RAPGEF1: variants seen among roughly 807,000 people sequenced by gnomAD.
RAPGEF1 encodes the protein CRK SH3-binding GNRP.
A neutral mutation model predicts 143.3 loss-of-function variants in RAPGEF1; 33 were observed. The ratio of observed to expected loss-of-function variants is 0.23; its 90% CI spans 0.17 to 0.31. RAPGEF1 has a LOEUF of 0.31. Ranked by LOEUF, RAPGEF1 falls within the 10% of genes least tolerant of loss-of-function variation. The pLI is 1.00. For synonymous variants in RAPGEF1, 629 were observed against 676.5 expected, an observed-to-expected ratio of 0.93 and a Z score of 1.09; for missense variants, 1,199 against 1,645.4, an observed-to-expected ratio of 0.73 and a Z score of 4.69.
At chr9:131,734,222 G>A (rs1159174175) in intron 1 of RAPGEF1, among the ~76,000 whole-genome samples, 2 of 152,160 alleles carry the variant, frequency 1.3e-5, no homozygotes, top group Non-Finnish European at 2.9e-5. Flanking sequence ...AAGGGGGCCG[G>A]TTCCCCATTC....
At chr9:131,670,678 G>C (rs931210824) in intron 1 of RAPGEF1, among the ~76,000 whole-genome samples, 2 of 152,140 alleles carry the variant, frequency 1.3e-5, no homozygotes, top group African/African-American at 4.8e-5. Flanking sequence ...ACAGTCTCCC[G>C]GCCTCAAGGA....
rs79402314 is a variant in RAPGEF1, at chr9:131,722,230, G to A, written c.61+17540C>T. 5.9e-5 allele frequency among the ~76,000 whole-genome samples: 9 copies of A among 152,258 alleles called. No homozygotes were observed. In the East Asian group the frequency reaches 9.6e-4, roughly 16 times the overall value. On this transcript the variant is annotated intron_variant, in intron 1 of 26. Transcript: ENST00000683357. The stretch of plus-strand genomic sequence containing the variant: ...CAGGTGGCGCTCCCACTCACACAGC[G>A]GTACCATGCCACCTAACAGGGCCTG...
intron 1 of RAPGEF1, among the ~76,000 whole-genome samples, chr9:131,712,324 G>A (rs538631969): frequency 2.5e-4 from 38 of 152,296 alleles, no homozygotes; most frequent in Non-Finnish European, 4.9e-4. Flanking sequence ...TAAATGAGTG[G>A]ATAGGTGACA....
At chr9:131,726,085 T>C (rs990091451) in intron 1 of RAPGEF1, among the ~76,000 whole-genome samples, 1 of 152,094 alleles carries the variant, frequency 6.6e-6, no homozygotes, top group African/African-American at 2.4e-5. Flanking sequence ...TTGTTGGTCC[T>C]GTGCCATCTT....
intron 4 of RAPGEF1, among the ~76,000 whole-genome samples, chr9:131,639,564 G>C (rs567825128): frequency 6.6e-6 from 1 of 151,978 alleles, no homozygotes; most frequent in Non-Finnish European, 1.5e-5. Context: ...GCCGAATGGA[G>C]AATTTTTACA....
At chr9:131,596,500 C>G in intron 16 of RAPGEF1, 127 bp from the exon 17 acceptor site, 1 of 927,606 alleles carries the variant, frequency 1.1e-6, no homozygotes, top group Non-Finnish European at 1.7e-6. Context: ...TCCTTCTGTG[C>G]TCCTCGGCCC....
At chr9:131,581,041 C>T (rs773032731) in intron 25 of RAPGEF1, among the ~76,000 whole-genome samples, 2 of 151,956 alleles carry the variant, frequency 1.3e-5, no homozygotes, top group Non-Finnish European at 2.9e-5. Flanking sequence ...ACTCGGGAGG[C>T]TGAGGCAGGA....
chr9:131,608,965 G>A (rs567810271), intron 12 of RAPGEF1, among the ~76,000 whole-genome samples: 102 of 152,314 alleles, frequency 6.7e-4, no homozygotes, highest in Non-Finnish European at 1.1e-3. Context: ...GCTCGTGCCC[G>A]GGTTTGCTTC....
chr9:131,700,668 A>C lies in RAPGEF1; in HGVS notation c.61+39102T>G, dbSNP rs547338073. Among the ~76,000 whole-genome samples the C allele has an allele frequency of 7.2e-5, 11 of 152,288 alleles. No individual in the cohort carries two copies. The East Asian group carries it at 2.1e-3, about 29-fold the overall frequency. The stretch of plus-strand genomic sequence containing the variant: ...TTAATAGTAAAGGAAAAATGCTGAA[A>C]GCCTCTATAGTCAATCATGAGGTTC... On this transcript the variant is annotated intron_variant, in intron 1 of 26. Transcript: ENST00000683357.
intron 1 of RAPGEF1, among the ~76,000 whole-genome samples, chr9:131,656,793 C>A (rs1972590761): frequency 6.6e-6 from 1 of 152,220 alleles, no homozygotes. Context: ...TGCCTATGAG[C>A]TGTTGATGGA....
intron 14 of RAPGEF1, among the ~76,000 whole-genome samples, chr9:131,603,268 G>A (rs927600134): frequency 2.0e-5 from 3 of 152,218 alleles, no homozygotes; most frequent in Non-Finnish European, 2.9e-5. Context: ...TCCCTTCAAG[G>A]AACCTGTCCC....
intron 1 of RAPGEF1, among the ~76,000 whole-genome samples, chr9:131,721,890 T>C (rs1836293245): frequency 1.3e-5 from 2 of 152,228 alleles, no homozygotes; most frequent in African/African-American, 2.4e-5. Flanking sequence ...GCAAGTACTA[T>C]GCCATTTTGC....
At position 131,737,667 on chromosome 9, in the gene RAPGEF1, T is replaced by C. The variant is rs543155187; in HGVS notation, c.61+2103A>G. On this transcript the variant is annotated intron_variant, in intron 1 of 26. Transcript: ENST00000683357. ...CATGGGATGACAGGCAACTTTTTCC[T>C]TTTTTTAAAAAAAGAGGCCCAGCGC... is the stretch of plus-strand genomic sequence containing the variant. 4 of 1,227,992 alleles carry C rather than the reference T, an allele frequency of 3.3e-6. No individual in the cohort carries two copies. In the South Asian group the frequency reaches 4.9e-5, roughly 15 times the overall value. 76.1% of individuals were successfully genotyped at this position (1,227,992 alleles called of 1,614,324 possible).
At chr9:131,715,942 C>T (rs1347872261) in intron 1 of RAPGEF1, among the ~76,000 whole-genome samples, 9 of 151,798 alleles carry the variant, frequency 5.9e-5, no homozygotes, top group African/African-American at 2.2e-4. Context: ...AAACTGAGGT[C>T]CAGAGAAAAA....
rs972573279 is a variant in RAPGEF1 at position 131,650,623 on chromosome 9, C to T, written c.201+187G>A. ...GTCTTAGCCAACTGAGCTTGGCTAA[C>T]GTGGCAAACACTCACCATCCTAATG... is the stretch of plus-strand genomic sequence containing the variant. On this transcript the variant is annotated intron_variant, in intron 2 of 26. Transcript: ENST00000683357. The surrounding 1 kb of genome is among the most constrained non-coding windows in gnomAD (Gnocchi z 4.7). 2.0e-5 allele frequency among the ~76,000 whole-genome samples: 3 copies of T among 152,178 alleles called. No homozygotes were observed. Among genetic ancestry groups the T allele is most frequent in the East Asian group, 1.9e-4 (1 of 5,190 alleles).
chr9:131,678,552 C>A (rs1440427931), intron 1 of RAPGEF1, among the ~76,000 whole-genome samples: 3 of 152,232 alleles, frequency 2.0e-5, no homozygotes, highest in African/African-American at 7.2e-5. Flanking sequence ...CTTAATCCAG[C>A]TGTAACCCTC....
intron 1 of RAPGEF1, among the ~76,000 whole-genome samples, chr9:131,687,471 A>G (rs1263194214): frequency 6.6e-6 from 1 of 151,256 alleles, no homozygotes; most frequent in Non-Finnish European, 1.5e-5. Context: ...CTGAGATTAC[A>G]GGCGTGAGCC....
chr9:131,651,048 T>C, intron 1 of RAPGEF1, 99 bp from the exon 2 acceptor site: 1 of 1,383,212 alleles, frequency 7.2e-7, no homozygotes, highest in Non-Finnish European at 9.8e-7. Context: ...AACCCATCTT[T>C]TTTCTTGGCT....
chr9:131,682,969 C>T (rs1349082500), intron 1 of RAPGEF1, among the ~76,000 whole-genome samples: 3 of 152,252 alleles, frequency 2.0e-5, no homozygotes, highest in African/African-American at 7.2e-5. Flanking sequence ...GCCCGATGGA[C>T]GACCTGGGGC....
Sources: allele counts gnomAD v4.1 joint callset (sites outside exome capture counted in the v4.1 genomes callset), GRCh38; gene constraint gnomAD v4.1.1; non-coding constraint Gnocchi (gnomAD v3.1); transcripts MANE v1.5; gene names NCBI Gene and HGNC (gene_info 2026-07-23, HGNC 2026-07-21).